The following SLC6A12 variants were observed in gnomAD, a reference collection of about 807,000 sequenced individuals.
SLC6A12 encodes the protein sodium- and chloride-dependent betaine transporter.
A neutral mutation model predicts 73.3 loss-of-function variants in SLC6A12; 50 were observed. The observed-to-expected ratio is 0.68, with a 90% CI of 0.54 to 0.86. The LOEUF is 0.86. Ranked by LOEUF, SLC6A12 falls within the 40% of genes least tolerant of loss-of-function variation. The probability of loss-of-function intolerance (pLI) is 0.00; values close to 1 mark genes in which losing one functional copy is unlikely to be tolerated. For missense variants in SLC6A12, 648 were observed against 772.8 expected (o/e 0.84, Z 1.92); for synonymous variants, 304 against 309.2 (o/e 0.98, Z 0.18).
In SLC6A12 at chr12:210,046, G is replaced by A; in HGVS notation, c.-57-3C>T. On this transcript the variant is annotated splice_polypyrimidine_tract_variant and splice_region_variant and intron_variant, in intron 2 of 15. Transcript: ENST00000684302. ...GGCAGGATGACGAGGGCCAAAGCCTGGTGGGAAGAGAAGAAATTAGCTGTA... is the reference window on the plus strand; with the variant it reads ...GGCAGGATGACGAGGGCCAAAGCCTAGTGGGAAGAGAAGAAATTAGCTGTA... 1 of 1,590,452 alleles carries A rather than the reference G, an allele frequency of 6.3e-7. No individual in the cohort carries two copies.
In SLC6A12 at chr12:208,750, A is replaced by G. The variant is rs1272172456; in HGVS notation, c.214+1023T>C. Among the ~76,000 whole-genome samples, 2 of 152,148 alleles carry G rather than the reference A, an allele frequency of 1.3e-5. 1 individual carries two copies. Among genetic ancestry groups the G allele is most frequent in the Non-Finnish European group, 2.9e-5 (2 of 68,040 alleles). The stretch of plus-strand genomic sequence containing the variant: ...TATAGGATTTCTTTCGGGGATGATG[A>G]AAATGTTCCAAAAGTGGTTGTGGTG... On this transcript the variant is annotated intron_variant, in intron 3 of 15. Transcript: ENST00000684302.
chr12:184,719 T>C, the SLC6A12 span, among the ~76,000 whole-genome samples: 351 of 151,862 alleles, frequency 2.3e-3, 3 homozygotes, highest in East Asian at 8.1e-3. Context: ...CACTGCACTC[T>C]AGCCTGGGCG....
intron 7 of SLC6A12, among the ~76,000 whole-genome samples, chr12:200,394 C>T (rs1296357158): frequency 3.3e-5 from 5 of 152,182 alleles, no homozygotes; most frequent in Non-Finnish European, 5.9e-5. Context: ...AGGCGTGAGC[C>T]ACTGCACCCG....
At chr12:203,691 C>T (rs1431762266) in intron 4 of SLC6A12, 1 of 152,182 alleles carries the variant, frequency 6.6e-6, no homozygotes, top group African/African-American at 2.4e-5. Context: ...CGGGTCAGCC[C>T]GGTGAACTAA....
At chr12:199,611 C>G (rs899697121) in intron 7 of SLC6A12, 1 of 152,186 alleles carries the variant, frequency 6.6e-6, no homozygotes, top group Admixed American at 6.5e-5. Context: ...TTTCATCATC[C>G]CTATTACCAA....
Position 201,850 on chromosome 12 carries a change from C to A in SLC6A12, c.491-1G>T. ...TGGTTCAGAAAGTCCGTGCAATGCT[C>A]TGTTGGGGACAAGGTTAGGGACAAG... is the stretch of plus-strand genomic sequence containing the variant. On this transcript the variant is annotated splice_acceptor_variant, in intron 5 of 15. Transcript: ENST00000684302. LOFTEE classifies it high-confidence loss of function. The A allele has an allele frequency of 6.2e-7, 1 of 1,613,526 alleles. No individual in the cohort carries two copies. The highest frequency in any genetic ancestry group is 8.5e-7 in the Non-Finnish European group (1 of 1,179,458).
Position 200,748 on chromosome 12 carries a change from TCATG to T in SLC6A12, c.610_613del (p.His204ThrfsTer44). 6.2e-7 allele frequency: 1 copy of T among 1,613,988 alleles called. No individual in the cohort carries two copies. The stretch of plus-strand genomic sequence containing the variant: ...CAGCTCCCAGCGCAGGGAGCCCAGG[TCATG>T]GATGCCCGAGGTGATGCCCAGAACT... On this transcript the variant is annotated frameshift_variant, in exon 7 of 16. Transcript: ENST00000684302. LOFTEE classifies it high-confidence loss of function.
At chr12:193,227 G>T (rs1199053147) in intron 14 of SLC6A12, 50 bp downstream of exon 14, 2 of 1,311,792 alleles carry the variant, frequency 1.5e-6, no homozygotes, top group East Asian at 2.3e-5. Flanking sequence ...CTCATCTCTG[G>T]AGTCTTCTGG....
intron 13 of SLC6A12, among the ~76,000 whole-genome samples, chr12:194,742 C>A (rs939688893): frequency 6.6e-6 from 1 of 152,192 alleles, no homozygotes; most frequent in African/African-American, 2.4e-5. Flanking sequence ...CAGAATTCAC[C>A]TCAGTACAGG....
At chr12:197,568 A>G (rs2137133972) in intron 9 of SLC6A12, 67 bp from the exon 10 acceptor site, 2 of 1,512,574 alleles carry the variant, frequency 1.3e-6, no homozygotes, top group African/African-American at 2.8e-5. Flanking sequence ...GAGATCAGTC[A>G]TGGGAGGAGA....
chr12:197,174 CA>C (rs1939946032), intron 10 of SLC6A12, among the ~76,000 whole-genome samples: 3 of 12,068 alleles, frequency 2.5e-4, no homozygotes, highest in African/African-American at 4.0e-4. Context: ...TCCATCCATC[CA>C]TCCATCCATC....
chr12:211,974 T>C (rs1234167785), intron 2 of SLC6A12, 52 bp downstream of exon 2: 3 of 152,212 alleles, frequency 2.0e-5, no homozygotes, highest in Non-Finnish European at 4.4e-5. Flanking sequence ...GAACAGTGCC[T>C]GGCACCTGCA....
chr12:208,214 T>G lies in SLC6A12; in HGVS notation c.214+1559A>C, dbSNP rs78135628. On this transcript the variant is annotated intron_variant, in intron 3 of 15. Coordinates refer to ENST00000684302, the MANE Select transcript of SLC6A12 (RefSeq NM_001122848.3). ...CCTATATGCCATGAGATGGTGGCCCTGGATGAAGAAGGAAACCACCACCCT... is the reference window on the plus strand; with the variant it reads ...CCTATATGCCATGAGATGGTGGCCCGGGATGAAGAAGGAAACCACCACCCT... Among the ~76,000 whole-genome samples the G allele has an allele frequency of 5.4e-4, 82 of 152,298 alleles. 1 individual carries two copies. The East Asian group carries it at 0.014, about 27-fold the overall frequency.
Position 209,794 on chromosome 12 carries a change from G to T in SLC6A12, c.193C>A (p.Leu65Ile). The T allele has an allele frequency of 6.2e-7, 1 of 1,614,208 alleles. No homozygotes were observed. Among genetic ancestry groups the T allele is most frequent in the Non-Finnish European group, 8.5e-7 (1 of 1,180,042 alleles). ...TCACCACCTCCGTTTTTGTAGCAGA[G>T]ATAGGGAAACCTCCAGACATTGCCC... Reference protein sequence around the residue: ...GLGNVWRFPYLCYKNGGGAFF... With the variant: ...GLGNVWRFPYICYKNGGGAFF... The change falls in exon 3 of 16, where the codon CTC (leucine) becomes ATC (isoleucine). Residue 65 changes from leucine (L) to isoleucine (I), a missense_variant. Physicochemically the swap from Leu to Ile is conservative, Grantham distance 5. Transcript: ENST00000684302.
chr12:199,652 C>G (rs1024779826), intron 7 of SLC6A12: 1 of 152,258 alleles, frequency 6.6e-6, no homozygotes, highest in African/African-American at 2.4e-5. Context: ...GGAAAGGCTG[C>G]TGCGGGAACA....
At chr12:210,181 G>A (rs753383836) in intron 2 of SLC6A12, 138 bp from the exon 3 acceptor site, 747 of 1,236,770 alleles carry the variant, frequency 6.0e-4, no homozygotes, top group Non-Finnish European at 7.3e-4. Flanking sequence ...GTTCCAGTTC[G>A]TTCTCGTAAC....
At chr12:206,463 T>C (rs1940649307) in intron 3 of SLC6A12, among the ~76,000 whole-genome samples, 1 of 152,264 alleles carries the variant, frequency 6.6e-6, no homozygotes, top group African/African-American at 2.4e-5. Flanking sequence ...CCACTTTCTG[T>C]TTATCTGTTC....
At chr12:193,235 T>TG (rs774727179) in intron 14 of SLC6A12, 42 bp downstream of exon 14, 1 of 1,402,104 alleles carries the variant, frequency 7.1e-7, no homozygotes, top group East Asian at 2.3e-5. Context: ...TGGAGTCTTC[T>TG]GGGGGCAGGA....
At chr12:193,509 C>T (rs572885121) in intron 13 of SLC6A12, 132 bp from the exon 14 acceptor site, 114 of 625,532 alleles carry the variant, frequency 1.8e-4, no homozygotes, top group Admixed American at 6.3e-4. Flanking sequence ...GAACAGGGCA[C>T]GTGAGTGAGA....
Sources: allele counts gnomAD v4.1 joint callset (sites outside exome capture counted in the v4.1 genomes callset), GRCh38; gene constraint gnomAD v4.1.1; transcripts MANE v1.5; gene names NCBI Gene and HGNC (gene_info 2026-07-23, HGNC 2026-07-21).